Variants in ZNF618 observed in about 807,000 individuals in gnomAD.
ZNF618 encodes the protein neural precursor cell expressed, developmentally down-regulated 10.
In ZNF618, 34 loss-of-function variants were observed where a neutral mutation model predicts 103.0. The observed-to-expected ratio is 0.33, with a 90% CI of 0.25 to 0.44. The LOEUF is 0.44. Ranked by LOEUF, ZNF618 falls within the 20% of genes least tolerant of loss-of-function variation. The pLI is 1.00. For synonymous variants in ZNF618, 551 were observed against 542.2 expected, an observed-to-expected ratio of 1.02 and a Z score of -0.23; for missense variants, 1,059 against 1,295.4, an observed-to-expected ratio of 0.82 and a Z score of 2.80.
At chr9:114,032,990 C>T (rs1192936238) in intron 12 of ZNF618, among the ~76,000 whole-genome samples, 1 of 152,182 alleles carries the variant, frequency 6.6e-6, no homozygotes, top group Non-Finnish European at 1.5e-5. Context: ...AACACCCCTC[C>T]CCATAGCCTG....
chr9:113,962,168 T>C (rs1836903946), intron 1 of ZNF618, among the ~76,000 whole-genome samples: 1 of 152,234 alleles, frequency 6.6e-6, no homozygotes, highest in South Asian at 2.1e-4. Context: ...AGTATTCTCA[T>C]GTGTGGGAGA....
At chr9:113,961,391 G>T (rs2132575584) in intron 1 of ZNF618, among the ~76,000 whole-genome samples, 1 of 152,302 alleles carries the variant, frequency 6.6e-6, no homozygotes, top group Non-Finnish European at 1.5e-5. Flanking sequence ...GTGGTATTTG[G>T]GCGAATGAAT....
intron 1 of ZNF618, among the ~76,000 whole-genome samples, chr9:113,958,602 C>T (rs1021629947): frequency 5.9e-5 from 9 of 152,184 alleles, no homozygotes; most frequent in African/African-American, 1.2e-4. Context: ...GATAAAGGAA[C>T]GGAGGCACTG....
rs577634044 is a variant in ZNF618, at chr9:114,033,965, C to G, written c.1168+1237C>G. Reference sequence around the variant, plus strand: ...CTGCCTAGTAACAGGAGCTCCACTTCGGGCTGTTACTCACATATGAACCCC... The same window carrying G: ...CTGCCTAGTAACAGGAGCTCCACTTGGGGCTGTTACTCACATATGAACCCC... On this transcript the variant is annotated intron_variant, in intron 12 of 14. Transcript: ENST00000374126. 2.0e-5 allele frequency among the ~76,000 whole-genome samples: 3 copies of G among 152,134 alleles called. No individual in the cohort carries two copies. The South Asian group carries it at 6.2e-4, about 32-fold the overall frequency.
rs186067809 is a variant in ZNF618, at chr9:114,008,600, C to T, written c.754+46C>T. On this transcript the variant is annotated intron_variant, in intron 9 of 14. Transcript: ENST00000374126. ...GGCCAAGGGCTGGGTGGGGGCTGGC[C>T]AAGGGAGGCAGGGCTCAGTCTCACT... 965 of 1,605,968 alleles carry T rather than the reference C, an allele frequency of 6.0e-4. 4 individuals carry two copies. The highest frequency in any genetic ancestry group is 2.4e-3 in the African/African-American group (180 of 74,936).
At chr9:113,970,410 C>T (rs1250727334) in intron 2 of ZNF618, among the ~76,000 whole-genome samples, 1 of 152,144 alleles carries the variant, frequency 6.6e-6, no homozygotes, top group Non-Finnish European at 1.5e-5. Context: ...GCCATTATAC[C>T]AGGCCGGAGG....
At position 113,911,977 on chromosome 9, in the gene ZNF618, C is replaced by T. The variant is rs377273125; in HGVS notation, c.33+35564C>T. 1.2e-4 allele frequency among the ~76,000 whole-genome samples: 19 copies of T among 152,256 alleles called. No individual in the cohort carries two copies. In the East Asian group the frequency reaches 2.3e-3, roughly 19 times the overall value. The stretch of plus-strand genomic sequence containing the variant: ...TTTAGTGTTAGCTTGTCCTAGAACG[C>T]GAAGGAGGGCCTGAAACACAGATTG... On this transcript the variant is annotated intron_variant, in intron 1 of 14. Transcript: ENST00000374126.
At chr9:113,977,415 A>G (rs1266754403) in intron 2 of ZNF618, among the ~76,000 whole-genome samples, 1 of 152,176 alleles carries the variant, frequency 6.6e-6, no homozygotes, top group Non-Finnish European at 1.5e-5. Context: ...TCCTTTGTTT[A>G]GACGTCCAGT....
intron 2 of ZNF618, among the ~76,000 whole-genome samples, chr9:113,982,263 G>A (rs1839046318): frequency 6.6e-6 from 1 of 152,162 alleles, no homozygotes; most frequent in South Asian, 2.1e-4. Flanking sequence ...ACTCCTTGGG[G>A]TCAGAAGTCT....
chr9:114,040,016 C>T (rs1454300796), intron 13 of ZNF618, among the ~76,000 whole-genome samples: 2 of 151,032 alleles, frequency 1.3e-5, no homozygotes, highest in Admixed American at 1.3e-4. Context: ...AAGCCTTTCA[C>T]AGAGCTTTTA....
intron 1 of ZNF618, among the ~76,000 whole-genome samples, chr9:113,958,889 C>CA (rs1294396500): frequency 6.6e-6 from 1 of 152,210 alleles, no homozygotes; most frequent in African/African-American, 2.4e-5. Context: ...GAATTCTGAC[C>CA]ATGTTACTGC....
intron 10 of ZNF618, among the ~76,000 whole-genome samples, chr9:114,024,325 C>T (rs1303657786): frequency 6.6e-6 from 1 of 151,724 alleles, no homozygotes; most frequent in African/African-American, 2.4e-5. Flanking sequence ...TTCATCTTTC[C>T]TTGTCATTTC....
intron 1 of ZNF618, among the ~76,000 whole-genome samples, chr9:113,937,873 T>G (rs1834164224): frequency 1.1e-5 from 1 of 90,664 alleles, no homozygotes; most frequent in African/African-American, 3.9e-5. Context: ...CCTAATTATG[T>G]GCCTTTTTTT....
chr9:114,030,245 TAGTC>T (rs1843888531), intron 11 of ZNF618, among the ~76,000 whole-genome samples: 1 of 152,040 alleles, frequency 6.6e-6, no homozygotes, highest in South Asian at 2.1e-4. Context: ...AAAAGGAGAG[TAGTC>T]AGTCAGCCTT....
intron 12 of ZNF618, among the ~76,000 whole-genome samples, chr9:114,034,475 G>A (rs753320524): frequency 2.6e-5 from 4 of 152,192 alleles, no homozygotes; most frequent in Non-Finnish European, 5.9e-5. Flanking sequence ...TTGATTGAGC[G>A]CTTACTGTGT....
At chr9:114,000,052 G>T (rs919120059) in intron 4 of ZNF618, among the ~76,000 whole-genome samples, 6 of 152,146 alleles carry the variant, frequency 3.9e-5, no homozygotes, top group African/African-American at 1.4e-4. Context: ...TCTCATCTTT[G>T]TCCTCCACGT....
At chr9:113,922,946 CTTTA>C (rs974681626) in intron 1 of ZNF618, among the ~76,000 whole-genome samples, 31 of 152,108 alleles carry the variant, frequency 2.0e-4, no homozygotes, top group African/African-American at 6.5e-4. Context: ...TGGAATATCT[CTTTA>C]TTTATTTAGA....
At chr9:113,883,938 G>T (rs1015296560) in intron 1 of ZNF618, among the ~76,000 whole-genome samples, 1 of 144,802 alleles carries the variant, frequency 6.9e-6, no homozygotes, top group Admixed American at 7.2e-5. Flanking sequence ...ACTATGACCT[G>T]TGGGGGCTCC....
In ZNF618 at chr9:113,896,151, A is replaced by C. The variant is rs150231225; in HGVS notation, c.33+19738A>C. 3.3e-3 allele frequency among the ~76,000 whole-genome samples: 508 copies of C among 152,056 alleles called. 2 individuals carry two copies. Among genetic ancestry groups the C allele is most frequent in the African/African-American group, 0.012 (481 of 41,516 alleles). On this transcript the variant is annotated intron_variant, in intron 1 of 14. Coordinates refer to ENST00000374126, the MANE Select transcript of ZNF618 (RefSeq NM_001318042.2). ...TATTCTTTCCCCCTTAAATTTTTAA[A>C]GTTACTTGTCAATTCTAACTACTTC...
Sources: gnomAD v4.1 joint callset for allele counts (sites outside exome capture counted in the v4.1 genomes callset) on GRCh38, gnomAD v4.1.1 for gene constraint, MANE v1.5 for transcripts, NCBI Gene and HGNC (gene_info 2026-07-23, HGNC 2026-07-21) for gene names.